The following KDM5B variants were observed in gnomAD, a reference collection of about 807,000 sequenced individuals.
The protein encoded by KDM5B is lysine demethylase 5B.
A neutral mutation model predicts 193.4 loss-of-function variants in KDM5B; 144 were observed. The observed-to-expected ratio is 0.74, with a 90% CI of 0.65 to 0.86. The LOEUF is 0.86. Among genes scored for constraint, KDM5B ranks in the 40% least tolerant of loss-of-function variants. KDM5B has a pLI of 0.00. For missense variants in KDM5B, 1,833 were observed against 1,886.9 expected (o/e 0.97, Z 0.53); for synonymous variants, 668 against 682.6 (o/e 0.98, Z 0.33).
rs779809794 is a variant in KDM5B at position 202,731,102 on chromosome 1, AG to A, written c.4022-40del. On this transcript the variant is annotated intron_variant, in intron 24 of 26. Coordinates refer to ENST00000367265, the MANE Select transcript of KDM5B (RefSeq NM_006618.5). ...GACCAAATCAAAATGATAACAACAA[AG>A]GGTGTTTCACATTCACATTTGGGTT... 7 of 1,529,180 alleles carry A rather than the reference AG, an allele frequency of 4.6e-6. No individual in the cohort carries two copies. The African/African-American group carries it at 8.2e-5, about 18-fold the overall frequency. 94.7% of individuals were successfully genotyped at this position (1,529,180 alleles called of 1,614,324 possible).
chr1:202,798,621 TG>T (rs1341122293), intron 1 of KDM5B, among the ~76,000 whole-genome samples: 4 of 151,854 alleles, frequency 2.6e-5, no homozygotes, highest in African/African-American at 7.3e-5. Context: ...CTCAACTAAA[TG>T]GGGGGCTGAG....
At chr1:202,769,299 G>C (rs1656610596) in intron 4 of KDM5B, among the ~76,000 whole-genome samples, 1 of 150,942 alleles carries the variant, frequency 6.6e-6, no homozygotes, top group African/African-American at 2.4e-5. Context: ...GCCTCCCAAA[G>C]TGCTGGGATT....
chr1:202,780,383 T>C (rs1324299704), intron 1 of KDM5B, among the ~76,000 whole-genome samples: 1 of 151,926 alleles, frequency 6.6e-6, no homozygotes, highest in African/African-American at 2.4e-5. Context: ...AGAAACAGGG[T>C]TTCACCATGT....
rs546677130 is a variant in KDM5B, at chr1:202,763,928, G to A, written c.808+121C>T. On this transcript the variant is annotated intron_variant, in intron 6 of 26. Transcript: ENST00000367265. ...CCCAACCCAGTGACTACTATGTACTGGCTGCTCTAAATTTTACTTTTTAAT... is the reference window on the plus strand; with the variant it reads ...CCCAACCCAGTGACTACTATGTACTAGCTGCTCTAAATTTTACTTTTTAAT... The A allele has an allele frequency of 2.2e-5, 14 of 631,938 alleles. No individual in the cohort carries two copies. In the African/African-American group the frequency reaches 2.2e-4, roughly 10 times the overall value. 39.1% of individuals were successfully genotyped at this position (631,938 alleles called of 1,614,324 possible).
chr1:202,756,210 G>T, intron 10 of KDM5B, 148 bp downstream of exon 10: 1 of 672,154 alleles, frequency 1.5e-6, no homozygotes, highest in Non-Finnish European at 2.5e-6. Flanking sequence ...GTTAGGACTA[G>T]AATTCTTCTG....
At chr1:202,759,624 C>A (rs1305096613) in intron 8 of KDM5B, among the ~76,000 whole-genome samples, 2 of 151,302 alleles carry the variant, frequency 1.3e-5, no homozygotes, top group African/African-American at 4.9e-5. Flanking sequence ...ACAGCATGCA[C>A]TATTAAAAAC....
chr1:202,764,166 C>T (rs201229399), intron 5 of KDM5B, 21 bp from the exon 6 acceptor site: 7 of 1,205,138 alleles, frequency 5.8e-6, no homozygotes, highest in Admixed American at 4.9e-5. Flanking sequence ...TTGTCATATA[C>T]ATGAATATTT....
At chr1:202,763,412 A>G (rs1656328800) in intron 6 of KDM5B, among the ~76,000 whole-genome samples, 1 of 152,224 alleles carries the variant, frequency 6.6e-6, no homozygotes, top group Non-Finnish European at 1.5e-5. Context: ...CTAAGGTTAC[A>G]TAACTAGTTA....
At chr1:202,738,182 C>CT (rs2102225498) in intron 20 of KDM5B, among the ~76,000 whole-genome samples, 1 of 152,286 alleles carries the variant, frequency 6.6e-6, no homozygotes, top group South Asian at 2.1e-4. Context: ...AAAAACTTGC[C>CT]TTTTGCCCTT....
At chr1:202,804,897 C>A (rs1022140443) in intron 1 of KDM5B, among the ~76,000 whole-genome samples, 11 of 150,038 alleles carry the variant, frequency 7.3e-5, no homozygotes, top group African/African-American at 2.7e-4. Context: ...TTTGTGGAAT[C>A]TATCTATGGC....
chr1:202,756,139 T>G (rs752268719), intron 10 of KDM5B, among the ~76,000 whole-genome samples: 6 of 152,206 alleles, frequency 3.9e-5, no homozygotes, highest in Non-Finnish European at 8.8e-5. Flanking sequence ...ACCAAGGTTA[T>G]AAAATCTGAA....
chr1:202,798,446 T>G (rs1196205365), intron 1 of KDM5B, among the ~76,000 whole-genome samples: 5 of 152,090 alleles, frequency 3.3e-5, no homozygotes, highest in African/African-American at 4.8e-5. Context: ...ACTCTGGTTT[T>G]GATGATGGGT....
chr1:202,752,520 G>C (rs1016395369), intron 12 of KDM5B, among the ~76,000 whole-genome samples: 2 of 152,204 alleles, frequency 1.3e-5, no homozygotes, highest in Non-Finnish European at 2.9e-5. Flanking sequence ...CCTGTTGTTA[G>C]GTTTCCCATG....
intron 1 of KDM5B, among the ~76,000 whole-genome samples, chr1:202,795,651 A>C (rs1657814632): frequency 7.0e-6 from 1 of 143,842 alleles, no homozygotes; most frequent in Admixed American, 7.0e-5. Context: ...ACTCCATCTC[A>C]AAAAAAAAAA....
intron 5 of KDM5B, 76 bp downstream of exon 5, chr1:202,766,850 G>C: frequency 6.9e-7 from 1 of 1,450,980 alleles, no homozygotes; most frequent in Non-Finnish European, 9.2e-7. Context: ...ACACACATGA[G>C]AGAAATCCAG....
chr1:202,792,451 G>A (rs1296472748), intron 1 of KDM5B, among the ~76,000 whole-genome samples: 2 of 152,026 alleles, frequency 1.3e-5, no homozygotes, highest in African/African-American at 2.4e-5. Context: ...TTTATATAGG[G>A]AGCCCCGAGT....
Position 202,741,503 on chromosome 1 carries a change from C to A in KDM5B, c.2809G>T (p.Asp937Tyr), listed in dbSNP as rs1248702938. 1 of 1,614,234 alleles carries A rather than the reference C, an allele frequency of 6.2e-7. No individual in the cohort carries two copies. Among genetic ancestry groups the A allele is most frequent in the South Asian group, 1.1e-5 (1 of 91,090 alleles). Residue 937 changes from aspartate (D) to tyrosine (Y), a missense_variant, in exon 19 of 27, where the codon GAT (aspartate) becomes TAT (tyrosine). By Grantham distance (160) the Asp-to-Tyr change is radical. Transcript: ENST00000367265. ...CCTAGGTCTATGAGACGTCTCATAT[C>A]ATCTAAAGTAAGGGAGCTGGGGTCT... ...CLDPSSLTLDDMRRLIDLGVG... is the reference protein window; with the variant it reads ...CLDPSSLTLDYMRRLIDLGVG...
In KDM5B at chr1:202,742,680, A is replaced by T. The variant is rs371366107; in HGVS notation, c.2449T>A (p.Leu817Met). The T allele has an allele frequency of 6.2e-7, 1 of 1,614,120 alleles. No individual in the cohort carries two copies. Among genetic ancestry groups the T allele is most frequent in the Non-Finnish European group, 8.5e-7 (1 of 1,180,018 alleles). The stretch of plus-strand genomic sequence containing the variant: ...CTAGTTTGCCTTTTGCCATTAAGCA[A>T]CTGCTGCGCAACAGAGGCACACTTC... ...AEKCASVAQQ[L>M]LNGKRQTRYR... is the part of the protein sequence containing the mutation. The change falls in exon 17 of 27, where the codon TTG (leucine) becomes ATG (methionine). Residue 817 changes from leucine (L) to methionine (M), a missense_variant. Leu to Met is a conservative substitution (Grantham distance 15). This residue lies in a region of KDM5B where 1,379 missense variants were observed against 1,349.6 expected (regional missense o/e 1.02). Transcript: ENST00000367265.
At chr1:202,757,363 G>T (rs889114937) in intron 9 of KDM5B, among the ~76,000 whole-genome samples, 1 of 152,196 alleles carries the variant, frequency 6.6e-6, no homozygotes, top group Non-Finnish European at 1.5e-5. Flanking sequence ...GGAGCAACTT[G>T]TAGCAGCACG....
Sources: allele counts gnomAD v4.1 joint callset (sites outside exome capture counted in the v4.1 genomes callset), GRCh38; gene constraint gnomAD v4.1.1; regional missense constraint gnomAD v4.1.1; transcripts MANE v1.5; gene names NCBI Gene and HGNC (gene_info 2026-07-23, HGNC 2026-07-21).